The following SLC6A4 variants were observed in gnomAD, a reference collection of about 807,000 sequenced individuals.
The protein encoded by SLC6A4 is solute carrier family 6 member 4.
SLC6A4 carries 22 observed loss-of-function variants against 73.4 expected under a neutral mutation model. The observed-to-expected ratio is 0.30, with a 90% CI of 0.21 to 0.43. The LOEUF is 0.43. Among genes scored for constraint, SLC6A4 ranks in the 20% least tolerant of loss-of-function variants. SLC6A4 has a pLI of 1.00. For synonymous variants in SLC6A4, 270 were observed against 315.5 expected (o/e 0.86, Z 1.53); for missense variants, 593 against 808.5 (o/e 0.73, Z 3.23).
At chr17:30,210,092 AG>A (rs1225691126) in intron 11 of SLC6A4, among the ~76,000 whole-genome samples, 2 of 151,558 alleles carry the variant, frequency 1.3e-5, no homozygotes, top group Non-Finnish European at 2.9e-5. Context: ...AAAAAAAAAA[AG>A]GATCTCTAGA....
rs201432045 is a variant in SLC6A4, at chr17:30,203,261, A to G, written c.1729T>C (p.Leu577=). 4 of 1,613,664 alleles carry G rather than the reference A, an allele frequency of 2.5e-6. No homozygotes were observed. Among genetic ancestry groups the G allele is most frequent in the Non-Finnish European group, 3.4e-6 (4 of 1,179,632 alleles). The change falls in exon 14 of 15, where the codon TTG becomes CTG. Residue 577 remains leucine (L), a synonymous_variant. Transcript: ENST00000650711. The stretch of plus-strand genomic sequence containing the variant: ...GATGAGGTTCCTATGCAGTAACCCA[A>G]GATGATACTCCAGTAAGGATAATTA... ...QYNYPYWSII[L]GYCIGTSSFI...
intron 1 of SLC6A4, among the ~76,000 whole-genome samples, chr17:30,230,037 A>AG (rs1170721206): frequency 3.6e-4 from 52 of 144,316 alleles, no homozygotes; most frequent in African/African-American, 1.2e-3. Context: ...AAGAAGAAGA[A>AG]AAAGAAGAAA....
chr17:30,195,961 C>G lies in SLC6A4; in HGVS notation c.*2495G>C, dbSNP rs903530780. On this transcript the variant is annotated 3_prime_UTR_variant, in exon 15 of 15. Coordinates refer to ENST00000650711, the MANE Select transcript of SLC6A4 (RefSeq NM_001045.6). ...CCTCCCAAGTAGCAGGAATTATAGG[C>G]GCCTGCCACCACATTCAGCTAATTT... 6.6e-6 allele frequency: 1 copy of G among 151,616 alleles called. No homozygotes were observed. The highest frequency in any genetic ancestry group is 2.4e-5 in the African/African-American group (1 of 41,268). 9.4% of individuals were successfully genotyped at this position (151,616 alleles called of 1,614,324 possible). A position where few individuals can be genotyped will look rare whatever the true frequency, so the allele number is the denominator to read the frequency against.
intron 13 of SLC6A4, among the ~76,000 whole-genome samples, chr17:30,204,089 T>G (rs181224359): frequency 6.6e-6 from 1 of 152,380 alleles, no homozygotes; most frequent in Admixed American, 6.5e-5. Flanking sequence ...TTGAACACTC[T>G]GTGAGAATTT....
intron 13 of SLC6A4, 65 bp downstream of exon 13, chr17:30,207,667 A>T: frequency 8.9e-7 from 1 of 1,119,798 alleles, no homozygotes. Flanking sequence ...ATTACAATTC[A>T]TTTTTTATGT....
At chr17:30,232,269 G>A (rs1484297447) in intron 1 of SLC6A4, among the ~76,000 whole-genome samples, 2 of 152,144 alleles carry the variant, frequency 1.3e-5, no homozygotes, top group African/African-American at 4.8e-5. Context: ...CAATGGGTTC[G>A]CTGTGTCCCC....
intron 1 of SLC6A4, among the ~76,000 whole-genome samples, chr17:30,232,830 A>C (rs1048678191): frequency 6.6e-6 from 1 of 152,216 alleles, no homozygotes; most frequent in African/African-American, 2.4e-5. Context: ...TGAAGGGAGC[A>C]GCCCCTGCAG....
intron 1 of SLC6A4, among the ~76,000 whole-genome samples, chr17:30,228,972 G>T (rs928430680): frequency 3.9e-5 from 6 of 152,212 alleles, no homozygotes; most frequent in Non-Finnish European, 8.8e-5. Flanking sequence ...GACTGGGCGA[G>T]GGTGCCAACA....
chr17:30,216,566 C>G (rs768616434), intron 6 of SLC6A4, among the ~76,000 whole-genome samples: 11 of 150,750 alleles, frequency 7.3e-5, no homozygotes, highest in Non-Finnish European at 1.3e-4. Context: ...GTCATTGCCA[C>G]GATTATTAAT....
Position 30,213,138 on chromosome 17 carries a change from C to A in SLC6A4, c.1077-271G>T, listed in dbSNP as rs146375397. 1.4e-3 allele frequency among the ~76,000 whole-genome samples: 209 copies of A among 152,296 alleles called. 2 individuals carry two copies. The highest frequency in any genetic ancestry group is 0.01 in the Admixed American group (160 of 15,304). On this transcript the variant is annotated intron_variant, in intron 8 of 14. Coordinates refer to ENST00000650711, the MANE Select transcript of SLC6A4 (RefSeq NM_001045.6). Reference sequence around the variant, plus strand: ...GCTTTAAAAGGCAATCCTGCTAGCACAGACCTCTCCATTTCAAACCAGCCT... The same window carrying A: ...GCTTTAAAAGGCAATCCTGCTAGCAAAGACCTCTCCATTTCAAACCAGCCT...
At chr17:30,215,006 TTC>T (rs1567819045) in intron 8 of SLC6A4, among the ~76,000 whole-genome samples, 1 of 148,992 alleles carries the variant, frequency 6.7e-6, no homozygotes, top group Non-Finnish European at 1.5e-5. Context: ...CTTCCTTTCT[TTC>T]TTTCTTTCTT....
At chr17:30,214,437 A>AAAAG (rs932297617) in intron 8 of SLC6A4, among the ~76,000 whole-genome samples, 1 of 148,966 alleles carries the variant, frequency 6.7e-6, no homozygotes, top group African/African-American at 2.5e-5. Flanking sequence ...AAAAAAAAAA[A>AAAAG]AAAAGAAAAG....
At chr17:30,214,421 TC>T (rs1284131477) in intron 8 of SLC6A4, among the ~76,000 whole-genome samples, 1 of 7,584 alleles carries the variant, frequency 1.3e-4, no homozygotes, top group African/African-American at 3.9e-4. Flanking sequence ...AAACTCCGTC[TC>T]AAAAAAAAAA....
Position 30,201,869 on chromosome 17 carries a change from A to C in SLC6A4, c.1818+1303T>G, listed in dbSNP as rs370884240. Among the ~76,000 whole-genome samples the C allele has an allele frequency of 7.0e-4, 106 of 152,304 alleles. 2 individuals are homozygous for C. The South Asian group carries it at 0.021, about 30-fold the overall frequency. ...TGCCGGCAATCCCAGCACTTTGGGA[A>C]GCTGAGGCAGGAGGATTGAGCTCAG... is the stretch of plus-strand genomic sequence containing the variant. On this transcript the variant is annotated intron_variant, in intron 14 of 14. Coordinates refer to ENST00000650711, the MANE Select transcript of SLC6A4 (RefSeq NM_001045.6).
Position 30,211,354 on chromosome 17 carries a change from G to T in SLC6A4, c.1275C>A (p.Ile425=). The part of the protein sequence containing the change: ...ANMPASTFFA[I]IFFLMLITLG... ...GCGTGATTAACATCAGAAAGAAGAT[G>T]ATGGCAAAGAAAGTGGACGCTGGCA... The change falls in exon 10 of 15, where the codon ATC becomes ATA. Residue 425 remains isoleucine (I), a synonymous_variant. Coordinates refer to ENST00000650711, the MANE Select transcript of SLC6A4 (RefSeq NM_001045.6). The surrounding 1 kb of genome is among the most constrained non-coding windows in gnomAD (Gnocchi z 4.0). 6.2e-7 allele frequency: 1 copy of T among 1,613,506 alleles called. No individual in the cohort carries two copies. The highest frequency in any genetic ancestry group is 1.1e-5 in the South Asian group (1 of 91,062).
chr17:30,202,505 A>C (rs530375188), intron 14 of SLC6A4, among the ~76,000 whole-genome samples: 1 of 152,316 alleles, frequency 6.6e-6, no homozygotes, highest in East Asian at 1.9e-4. Flanking sequence ...TTTACCTCCC[A>C]AGGTACTTTG....
chr17:30,198,421 G>T lies in SLC6A4; in HGVS notation c.*35C>A, dbSNP rs758379498. 4 of 1,266,540 alleles carry T rather than the reference G, an allele frequency of 3.2e-6. No homozygotes were observed. The highest frequency in any genetic ancestry group is 4.6e-6 in the Non-Finnish European group (4 of 875,128). The allele number at this position is 1,266,540 out of a possible 1,614,324, so 78.5% of individuals were successfully genotyped here. A position where few individuals can be genotyped will look rare whatever the true frequency, so the allele number is the denominator to read the frequency against. On this transcript the variant is annotated 3_prime_UTR_variant, in exon 15 of 15. Coordinates refer to ENST00000650711, the MANE Select transcript of SLC6A4 (RefSeq NM_001045.6). The stretch of plus-strand genomic sequence containing the variant: ...TGCCTCATCAGAACTGGAGGAGGAG[G>T]TTGTGGAGAAGCCTTTTTCCTCTCG...
In SLC6A4 at chr17:30,198,523, A is replaced by G. The variant is rs202181933; in HGVS notation, c.1826T>C (p.Ile609Thr). The G allele has an allele frequency of 6.3e-7, 1 of 1,575,032 alleles. No homozygotes were observed. Among genetic ancestry groups the G allele is most frequent in the Non-Finnish European group, 8.7e-7 (1 of 1,145,326 alleles). Residue 609 changes from isoleucine to threonine, a missense_variant, in exon 15 of 15, where the codon ATT (isoleucine) becomes ACT (threonine). Transcript: ENST00000650711. ...ITPGTFKERIIKSITPETPTE... is the reference protein window; with the variant it reads ...ITPGTFKERITKSITPETPTE... ...TGGTGTTTCTGGGGTAATACTTTTAATAATACGCTATTGGGAAGAAAATAC... is the reference window on the plus strand; with the variant it reads ...TGGTGTTTCTGGGGTAATACTTTTAGTAATACGCTATTGGGAAGAAAATAC...
chr17:30,229,561 T>A (rs1035322351), intron 1 of SLC6A4, among the ~76,000 whole-genome samples: 1 of 152,072 alleles, frequency 6.6e-6, no homozygotes, highest in African/African-American at 2.4e-5. Context: ...TTGAGGTCTT[T>A]AGTTTTGTTT....
Sources: gnomAD v4.1 joint callset for allele counts (sites outside exome capture counted in the v4.1 genomes callset) on GRCh38, gnomAD v4.1.1 for gene constraint, Gnocchi (gnomAD v3.1) non-coding constraint, MANE v1.5 for transcripts, NCBI Gene and HGNC (gene_info 2026-07-23, HGNC 2026-07-21) for gene names.